Variants in SPTBN5 observed in about 807,000 individuals in gnomAD.
SPTBN5 encodes the protein spectrin beta, non-erythrocytic 5, also known as spectrin beta chain, non-erythrocytic 5.
In SPTBN5, 513 loss-of-function variants were observed where a neutral mutation model predicts 477.6. The ratio of observed to expected loss-of-function variants is 1.07; its 90% CI spans 1.00 to 1.16. The LOEUF (loss-of-function observed/expected upper bound fraction) is 1.16, where lower values mean the gene tolerates loss of function less well. Ranked by LOEUF, SPTBN5 falls within the 50% of genes most tolerant of loss-of-function variation. The pLI is 0.00. For synonymous variants in SPTBN5, 2,169 were observed against 2,011.7 expected, an observed-to-expected ratio of 1.08 and a Z score of -2.09; for missense variants, 5,062 against 4,731.8, an observed-to-expected ratio of 1.07 and a Z score of -2.05.
chr15:41,882,844 C>T, intron 9 of SPTBN5, 106 bp from the exon 10 acceptor site: 1 of 1,435,224 alleles, frequency 7.0e-7, no homozygotes, highest in Non-Finnish European at 9.3e-7. Flanking sequence ...TTTTCTTTTC[C>T]CTGGATGACT....
rs1320400381 is a variant in SPTBN5, at chr15:41,877,292, C to T, written c.3535G>A (p.Val1179Met). The change falls in exon 18 of 68, where the codon GTG becomes ATG. Residue 1179 changes from valine to methionine, a missense_variant. Transcript: ENST00000320955. ...AALDCPDSQE[V>M]PNTLRVLGQQ... is the part of the protein sequence containing the mutation. Reference sequence around the variant, plus strand: ...CCCAGGACCCTCAGAGTGTTGGGCACCTCTTGGGAGTCTGGGCAGTCCAAG... The same window carrying T: ...CCCAGGACCCTCAGAGTGTTGGGCATCTCTTGGGAGTCTGGGCAGTCCAAG... 6.2e-7 allele frequency: 1 copy of T among 1,613,460 alleles called. No homozygotes were observed. Among genetic ancestry groups the T allele is most frequent in the Non-Finnish European group, 8.5e-7 (1 of 1,179,732 alleles).
rs768895183 is a variant in SPTBN5 at position 41,883,339 on chromosome 15, A to C, written c.1659+9T>G. On this transcript the variant is annotated intron_variant, in intron 8 of 67. Transcript: ENST00000320955. ...GTGTTTCCCAAGGGCCTGCTGGTCC[A>C]GTGCCCACCTGCAGCTCCTCCAGCT... The C allele has an allele frequency of 5.0e-6, 8 of 1,612,478 alleles. No homozygotes were observed. In the African/African-American group the frequency reaches 1.1e-4, roughly 22 times the overall value.
chr15:41,860,851 C>CTCATCCACA, intron 46 of SPTBN5, 93 bp from the exon 47 acceptor site: 1 of 1,267,748 alleles, frequency 7.9e-7, no homozygotes. Context: ...CTACCAAATG[C>CTCATCCACA]TCATCCACAG....
rs554195845 is a variant in SPTBN5, at chr15:41,884,649, G to A, written c.1520+1086C>T. ...CATCGCAAAACAAAAGTCAGATTGT[G>A]TCACTCGTCTGCTCCAGCCCTCCAC... is the stretch of plus-strand genomic sequence containing the variant. On this transcript the variant is annotated intron_variant, in intron 7 of 67. Coordinates refer to ENST00000320955, the MANE Select transcript of SPTBN5 (RefSeq NM_016642.4). Among the ~76,000 whole-genome samples, 6 of 152,266 alleles carry A rather than the reference G, an allele frequency of 3.9e-5. No homozygotes were observed. The South Asian group carries it at 1.2e-3, about 32-fold the overall frequency.
At chr15:41,853,223 C>CA (rs752043315) in intron 59 of SPTBN5, 35 bp downstream of exon 59, 3 of 1,556,512 alleles carry the variant, frequency 1.9e-6, no homozygotes, top group Non-Finnish European at 2.6e-6. Flanking sequence ...GCTGTATCCC[C>CA]AGCCCAACCC....
At chr15:41,867,755 T>A in intron 34 of SPTBN5, 113 bp from the exon 35 acceptor site, 1 of 1,021,568 alleles carries the variant, frequency 9.8e-7, no homozygotes, top group Non-Finnish European at 1.5e-6. Flanking sequence ...GAGTGCCCAC[T>A]GAGCTTGGCA....
Position 41,871,937 on chromosome 15 carries a change from T to C in SPTBN5, c.5166-20A>G. ...CGGTCCCTGTGGTAACAGTCCGTGGTTCCCCAGAAGTGAGTTGCCCACCCC... is the reference window on the plus strand; with the variant it reads ...CGGTCCCTGTGGTAACAGTCCGTGGCTCCCCAGAAGTGAGTTGCCCACCCC... On this transcript the variant is annotated intron_variant, in intron 27 of 67. Coordinates refer to ENST00000320955, the MANE Select transcript of SPTBN5 (RefSeq NM_016642.4). 6.5e-7 allele frequency: 1 copy of C among 1,536,150 alleles called. No individual in the cohort carries two copies.
Position 41,850,093 on chromosome 15 carries a change from C to T in SPTBN5, c.10922-134G>A, listed in dbSNP as rs181158559. The stretch of plus-strand genomic sequence containing the variant: ...GCCTGGCTATGCCAGGCCCTTCCCA[C>T]GTGGGGGTGTGGGGCGGGCTGAGCA... On this transcript the variant is annotated intron_variant, in intron 66 of 67. Coordinates refer to ENST00000320955, the MANE Select transcript of SPTBN5 (RefSeq NM_016642.4). The T allele has an allele frequency of 7.6e-3, 5,723 of 755,012 alleles. 31 individuals carry two copies. Among genetic ancestry groups the T allele is most frequent in the Non-Finnish European group, 0.01 (4,547 of 443,164 alleles). 46.8% of individuals were successfully genotyped at this position (755,012 alleles called of 1,614,324 possible).
At chr15:41,866,926 G>C in intron 36 of SPTBN5, 33 bp downstream of exon 36, 1 of 1,539,504 alleles carries the variant, frequency 6.5e-7, no homozygotes, top group Non-Finnish European at 8.8e-7. Flanking sequence ...TGTGGTTCCA[G>C]TGGAAGGCCC....
chr15:41,876,665 G>GGGGGGGGGGC lies in SPTBN5; in HGVS notation c.3852-19_3852-18insGCCCCCCCCC. On this transcript the variant is annotated intron_variant, in intron 19 of 67. Transcript: ENST00000320955. ...CTCTGACCCTGGAGGGCGGGGGGGG[G>GGGGGGGGGGC]TTGGAGGAGGGCATGGGAGAGGACT... is the stretch of plus-strand genomic sequence containing the variant. 1.5e-6 allele frequency: 2 copies of GGGGGGGGGGC among 1,292,946 alleles called. No individual in the cohort carries two copies. Among genetic ancestry groups the GGGGGGGGGGC allele is most frequent in the Non-Finnish European group, 1.1e-6 (1 of 904,830 alleles). 80.1% of individuals were successfully genotyped at this position (1,292,946 alleles called of 1,614,324 possible). A position where few individuals can be genotyped will look rare whatever the true frequency, so the allele number is the denominator to read the frequency against.
rs61753617 is a variant in SPTBN5, at chr15:41,874,447, G to T, written c.4534C>A (p.Arg1512=). ...ACTGAGGCCTGCAGCTGCAGGCCCC[G>T]GATGGCCAGATGCCCCTGCAGAAGC... is the stretch of plus-strand genomic sequence containing the variant. The part of the protein sequence containing the change: ...LELLQGHLAI[R]GLQLQASVEL... Residue 1512 remains arginine (R), a synonymous_variant, in exon 24 of 68, where the codon CGG becomes AGG. Coordinates refer to ENST00000320955, the MANE Select transcript of SPTBN5 (RefSeq NM_016642.4). 0.051 allele frequency: 81,706 copies of T among 1,611,186 alleles called. 2,410 individuals are homozygous for T. Among genetic ancestry groups the T allele is most frequent in the Non-Finnish European group, 0.058 (68,291 of 1,178,832 alleles).
In SPTBN5 at chr15:41,873,868, G is replaced by A; in HGVS notation, c.4867C>T (p.Gln1623Ter). 1 of 1,611,072 alleles carries A rather than the reference G, an allele frequency of 6.2e-7. No individual in the cohort carries two copies. The change falls in exon 25 of 68, where the codon CAG (glutamine) becomes TAG (stop). Residue 1623 changes from glutamine to a stop codon, truncating the protein, a stop_gained. Coordinates refer to ENST00000320955, the MANE Select transcript of SPTBN5 (RefSeq NM_016642.4). LOFTEE classifies it high-confidence loss of function. ...RACEARAQCL[Q>*]QAVTFQQYFL... Reference sequence around the variant, plus strand: ...ACCTGCTGGAAAGTGACAGCCTGCTGCAGACACTGGGCCCGCGCTTCACAT... The same window carrying A: ...ACCTGCTGGAAAGTGACAGCCTGCTACAGACACTGGGCCCGCGCTTCACAT...
At chr15:41,856,621 A>G (rs2065936196) in intron 52 of SPTBN5, 23 bp from the exon 53 acceptor site, 2 of 1,551,288 alleles carry the variant, frequency 1.3e-6, no homozygotes, top group Non-Finnish European at 1.7e-6. Context: ...AGGCAGGAGG[A>G]TGCGGATGTT....
Position 41,853,650 on chromosome 15 carries a change from C to A in SPTBN5, c.9912G>T (p.Gln3304His). The part of the protein sequence containing the change: ...EAWATLQAKA[Q>H]ERGQWLAQAA... ...CCTGCGCCAGCCACTGGCCTCGCTC[C>A]TGGGCCTTCGCCTGCAGGGTGGCCC... The change falls in exon 58 of 68, where the codon CAG (glutamine) becomes CAT (histidine). Residue 3304 changes from glutamine (Q) to histidine (H), a missense_variant. Coordinates refer to ENST00000320955, the MANE Select transcript of SPTBN5 (RefSeq NM_016642.4). The A allele has an allele frequency of 6.3e-7, 1 of 1,598,244 alleles. No individual in the cohort carries two copies. The highest frequency in any genetic ancestry group is 8.5e-7 in the Non-Finnish European group (1 of 1,174,058).
At chr15:41,851,567 A>T (rs1212381572) in intron 63 of SPTBN5, among the ~76,000 whole-genome samples, 198 bp from the exon 64 acceptor site, 1 of 83,244 alleles carries the variant, frequency 1.2e-5, no homozygotes, top group African/African-American at 4.8e-5. Flanking sequence ...GGGAGGAGGA[A>T]TCCCAGCACC....
Position 41,867,085 on chromosome 15 carries a change from G to T in SPTBN5, c.6354C>A (p.Pro2118=). The T allele has an allele frequency of 1.3e-6, 2 of 1,545,738 alleles. No individual in the cohort carries two copies. Among genetic ancestry groups the T allele is most frequent in the Non-Finnish European group, 8.7e-7 (1 of 1,147,068 alleles). The part of the protein sequence containing the change: ...LRERLKTLRR[P]RVRDRLPILL... ...GGATGGGAAGCCGGTCCCGCACCCG[G>T]GGGCGCCGGAGCGTCTTCAGCCGCT... Residue 2118 remains proline, a synonymous_variant, in exon 36 of 68, where the codon CCC becomes CCA. Transcript: ENST00000320955.
Position 41,876,826 on chromosome 15 carries a change from C to G in SPTBN5, c.3834G>C (p.Gln1278His). The change falls in exon 19 of 68, where the codon CAG becomes CAC. Residue 1278 changes from glutamine to histidine, a missense_variant. Gln to His is a conservative substitution (Grantham distance 24). Coordinates refer to ENST00000320955, the MANE Select transcript of SPTBN5 (RefSeq NM_016642.4). ...AGGCTCACGTGTGTGCAGCTGGGTG[C>G]TGGCTCTGAACCAGCTTCTCGCCGT... Reference protein sequence around the residue: ...RAHGEKLVQSQHPAAHTVREQ... With the variant: ...RAHGEKLVQSHHPAAHTVREQ... 6.3e-7 allele frequency: 1 copy of G among 1,597,266 alleles called. No homozygotes were observed. Among genetic ancestry groups the G allele is most frequent in the Non-Finnish European group, 8.5e-7 (1 of 1,175,268 alleles).
Position 41,854,012 on chromosome 15 carries a change from G to A in SPTBN5, c.9774+38C>T, listed in dbSNP as rs754789223. The A allele has an allele frequency of 4.4e-5, 67 of 1,528,300 alleles. 1 individual carries two copies. In the Middle Eastern group the frequency reaches 6.1e-4, roughly 14 times the overall value. The allele number at this position is 1,528,300 out of a possible 1,614,324, so 94.7% of individuals were successfully genotyped here. ...TCCCCTCAGCCACCGCCTTCGGGCA[G>A]GGGCTCAGACAGGCAGGCTGCAGGG... On this transcript the variant is annotated intron_variant, in intron 57 of 67. Transcript: ENST00000320955.
At chr15:41,875,120 G>A in intron 22 of SPTBN5, 64 bp from the exon 23 acceptor site, 1 of 1,466,468 alleles carries the variant, frequency 6.8e-7, no homozygotes, top group South Asian at 1.3e-5. Context: ...GGCCTTCCCG[G>A]GCTCTGGGAC....
Sources: gnomAD v4.1 joint callset for allele counts (sites outside exome capture counted in the v4.1 genomes callset) on GRCh38, gnomAD v4.1.1 for gene constraint, MANE v1.5 for transcripts, NCBI Gene and HGNC (gene_info 2026-07-23, HGNC 2026-07-21) for gene names.